SHROOM3: variants seen among roughly 807,000 people sequenced by gnomAD.
SHROOM3 encodes protein Shroom3.
Under a neutral mutation model 138.6 loss-of-function variants are expected in SHROOM3, and 47 were observed. The ratio of observed to expected loss-of-function variants is 0.34; its 90% CI spans 0.27 to 0.43. The LOEUF (loss-of-function observed/expected upper bound fraction) is 0.43, where lower values mean the gene tolerates loss of function less well. Ranked by LOEUF, SHROOM3 falls within the 20% of genes least tolerant of loss-of-function variation. The probability of loss-of-function intolerance (pLI) is 1.00; values close to 1 mark genes in which losing one functional copy is unlikely to be tolerated. For synonymous variants in SHROOM3, 1,062 were observed against 1,063.3 expected (o/e 1.00, Z 0.02); for missense variants, 2,491 against 2,596.5 (o/e 0.96, Z 0.88).
At chr4:76,548,185 G>A (rs1468338301) in intron 1 of SHROOM3, among the ~76,000 whole-genome samples, 2 of 142,714 alleles carry the variant, frequency 1.4e-5, no homozygotes, top group African/African-American at 5.2e-5. Context: ...GACAGTGCCT[G>A]CCATGCTCCC....
At chr4:76,638,470 G>A (rs939535606) in intron 2 of SHROOM3, among the ~76,000 whole-genome samples, 5 of 152,118 alleles carry the variant, frequency 3.3e-5, no homozygotes, top group South Asian at 4.2e-4. Flanking sequence ...GATCGCTTGC[G>A]CCTAGGAGTT....
chr4:76,558,575 A>T (rs867929137), intron 2 of SHROOM3, among the ~76,000 whole-genome samples: 2 of 152,188 alleles, frequency 1.3e-5, no homozygotes, highest in African/African-American at 4.8e-5. Flanking sequence ...CAGGTCCAGA[A>T]TTGGTCATGA....
At chr4:76,695,272 C>G (rs1194156480) in intron 2 of SHROOM3, among the ~76,000 whole-genome samples, 1 of 152,158 alleles carries the variant, frequency 6.6e-6, no homozygotes, top group East Asian at 1.9e-4. Context: ...CTCCTTACCC[C>G]CAATGACTCC....
At chr4:76,670,109 C>A (rs922766961) in intron 2 of SHROOM3, among the ~76,000 whole-genome samples, 2 of 152,200 alleles carry the variant, frequency 1.3e-5, no homozygotes, top group Non-Finnish European at 2.9e-5. Context: ...TTAACAAGGC[C>A]TCTGTCTGTC....
rs1046897612 is a variant in SHROOM3, at chr4:76,749,219, C to A, written c.3827+129C>A. ...CACATGCTTTTTTGATTTGTCTAGG[C>A]CATGGATAACTTTTTTTTTTAGTTT... On this transcript the variant is annotated intron_variant, in intron 6 of 10. Transcript: ENST00000296043. 4 of 842,638 alleles carry A rather than the reference C, an allele frequency of 4.7e-6. No homozygotes were observed. In the African/African-American group the frequency reaches 5.4e-5, roughly 11 times the overall value. 52.2% of individuals were successfully genotyped at this position (842,638 alleles called of 1,614,324 possible). A position where few individuals can be genotyped will look rare whatever the true frequency, so the allele number is the denominator to read the frequency against.
chr4:76,765,589 C>G (rs1442542322), intron 9 of SHROOM3, among the ~76,000 whole-genome samples: 1 of 152,104 alleles, frequency 6.6e-6, no homozygotes, highest in Non-Finnish European at 1.5e-5. Context: ...CTGAATTACT[C>G]TTAAGACGGA....
rs150938550 is a variant in SHROOM3 at position 76,436,525 on chromosome 4, TA to T, written c.168+307del. On this transcript the variant is annotated intron_variant, in intron 1 of 10. Transcript: ENST00000296043. ...TTCAGTTATAAATCAGATTAAAGAT[TA>T]ATAACATGGTTAAGATGGTGGCATG... Among the ~76,000 whole-genome samples the T allele has an allele frequency of 6.7e-3, 1,021 of 152,364 alleles. 14 individuals are homozygous for T. Among genetic ancestry groups the T allele is most frequent in the East Asian group, 0.042 (217 of 5,190 alleles).
At chr4:76,698,520 T>G (rs1006492387) in intron 2 of SHROOM3, among the ~76,000 whole-genome samples, 4 of 152,186 alleles carry the variant, frequency 2.6e-5, no homozygotes, top group Non-Finnish European at 2.9e-5. Flanking sequence ...GACAGGACCC[T>G]GGCTCCTACA....
rs771433228 is a variant in SHROOM3 at position 76,738,907 on chromosome 4, G to C, written c.734G>C (p.Ser245Thr). The change falls in exon 5 of 11, where the codon AGC becomes ACC. Residue 245 changes from serine (S) to threonine (T), a missense_variant. Coordinates refer to ENST00000296043, the MANE Select transcript of SHROOM3 (RefSeq NM_020859.4). ...CTTTCCCCTGCCAAGTCCACCGGCA[G>C]CATTGACCAGCTCAGCCACTTCCAT... ...CHLSPAKSTGSIDQLSHFHNK... is the reference protein window; with the variant it reads ...CHLSPAKSTGTIDQLSHFHNK... 1.2e-6 allele frequency: 2 copies of C among 1,614,246 alleles called. No individual in the cohort carries two copies. Among genetic ancestry groups the C allele is most frequent in the Admixed American group, 3.3e-5 (2 of 60,030 alleles).
At chr4:76,634,333 T>C (rs1577937506) in intron 2 of SHROOM3, among the ~76,000 whole-genome samples, 1 of 152,262 alleles carries the variant, frequency 6.6e-6, no homozygotes, top group Middle Eastern at 3.4e-3. Context: ...CTAGCAGACG[T>C]TGGTGGCCAG....
intron 1 of SHROOM3, among the ~76,000 whole-genome samples, chr4:76,456,504 T>A (rs1731029937): frequency 6.6e-6 from 1 of 152,234 alleles, no homozygotes; most frequent in African/African-American, 2.4e-5. Flanking sequence ...GATGCAGGAC[T>A]GATGCACATG....
At chr4:76,582,589 G>C (rs563997291) in intron 2 of SHROOM3, among the ~76,000 whole-genome samples, 10 of 152,214 alleles carry the variant, frequency 6.6e-5, no homozygotes, top group African/African-American at 2.4e-4. Flanking sequence ...CTCCTGCCCT[G>C]GGCTTATAAA....
intron 2 of SHROOM3, among the ~76,000 whole-genome samples, chr4:76,617,136 G>A (rs1278757319): frequency 1.3e-5 from 2 of 152,188 alleles, no homozygotes; most frequent in Non-Finnish European, 2.9e-5. Flanking sequence ...CAGAATCCTG[G>A]GTTCAAGTCC....
intron 2 of SHROOM3, chr4:76,688,351 T>C (rs563317940): frequency 2.0e-6 from 2 of 983,034 alleles, no homozygotes; most frequent in South Asian, 9.4e-5. Context: ...TGTCAGGATA[T>C]AAGAGCACAG....
intron 1 of SHROOM3, among the ~76,000 whole-genome samples, chr4:76,532,588 T>C (rs60519330): frequency 0.12 from 18,746 of 152,112 alleles, 1,670 homozygotes; most frequent in African/African-American, 0.25. Context: ...ACCCAAAACT[T>C]AATGCCTTTT....
intron 2 of SHROOM3, among the ~76,000 whole-genome samples, chr4:76,690,121 CG>C (rs1293158355): frequency 6.6e-6 from 1 of 152,154 alleles, no homozygotes; most frequent in East Asian, 1.9e-4. Context: ...TTGAGGGGCA[CG>C]CCTACCCCCA....
chr4:76,739,051 G>C lies in SHROOM3; in HGVS notation c.878G>C (p.Gly293Ala), dbSNP rs1336316548. ...TCCATGGACAATACTTCTGCTCGAG[G>C]TGGCCTCCTCGAAGGGATGAGGCAG... ...SGSMDNTSAR[G>A]GLLEGMRQAD... The change falls in exon 5 of 11, where the codon GGT becomes GCT. Residue 293 changes from glycine (G) to alanine (A), a missense_variant. Physicochemically the swap from Gly to Ala is moderately conservative, Grantham distance 60. This residue lies in a region of SHROOM3 where 1,733 missense variants were observed against 1,661.6 expected (regional missense o/e 1.04). Transcript: ENST00000296043. 1 of 1,614,222 alleles carries C rather than the reference G, an allele frequency of 6.2e-7. No homozygotes were observed. Among genetic ancestry groups the C allele is most frequent in the East Asian group, 2.2e-5 (1 of 44,884 alleles).
chr4:76,462,727 T>TC (rs1260298091), intron 1 of SHROOM3, among the ~76,000 whole-genome samples: 7 of 142,970 alleles, frequency 4.9e-5, no homozygotes, highest in Admixed American at 7.1e-5. Context: ...TCCCTCTCCC[T>TC]TTCCCTCTCC....
intron 1 of SHROOM3, among the ~76,000 whole-genome samples, chr4:76,489,605 C>G (rs1174292998): frequency 6.6e-6 from 1 of 152,054 alleles, no homozygotes; most frequent in Non-Finnish European, 1.5e-5. Flanking sequence ...AGTCAAAGCT[C>G]GAGCCAGGGT....
Sources: gnomAD v4.1 joint callset for allele counts (sites outside exome capture counted in the v4.1 genomes callset) on GRCh38, gnomAD v4.1.1 for gene constraint, gnomAD v4.1.1 regional missense constraint, MANE v1.5 for transcripts, NCBI Gene and HGNC (gene_info 2026-07-23, HGNC 2026-07-21) for gene names.